ZNF320: variants seen among roughly 807,000 people sequenced by gnomAD.
The protein encoded by ZNF320 is zinc finger protein 320, also known as zinc finger gene 320.
ZNF320 carries 2 observed loss-of-function variants against 6.8 expected under a neutral mutation model. The ratio of observed to expected loss-of-function variants is 0.29; its 90% CI spans 0.12 to 0.93. The LOEUF is 0.93. Ranked by LOEUF, ZNF320 falls within the 40% of genes least tolerant of loss-of-function variation. The probability of loss-of-function intolerance (pLI) is 0.55; values close to 1 mark genes in which losing one functional copy is unlikely to be tolerated. For missense variants in ZNF320, 472 were observed against 611.0 expected, an observed-to-expected ratio of 0.77 and a Z score of 2.40; for synonymous variants, 208 against 203.2, an observed-to-expected ratio of 1.02 and a Z score of -0.20.
intron 1 of ZNF320, chr19:52,895,826 G>GA (rs1568733072): frequency 6.6e-6 from 1 of 151,374 alleles, no homozygotes; most frequent in Non-Finnish European, 1.5e-5. Flanking sequence ...AAGTAAGAAA[G>GA]AAAAAAAGAA....
At chr19:52,876,054 C>T (rs544356196), downstream of ZNF320, 1 of 152,314 alleles carries the variant, frequency 6.6e-6, no homozygotes, top group African/African-American at 2.4e-5. Flanking sequence ...CAGGCCAATC[C>T]TGTCCATCCT....
intron 1 of ZNF320, among the ~76,000 whole-genome samples, chr19:52,897,108 G>C (rs922514053): frequency 6.6e-6 from 1 of 152,234 alleles, no homozygotes; most frequent in Non-Finnish European, 1.5e-5. Context: ...ACGCTGGCTC[G>C]GGCCCACTCC....
At chr19:52,882,866 G>A (rs751229288) in intron 5 of ZNF320, among the ~76,000 whole-genome samples, 3 of 151,594 alleles carry the variant, frequency 2.0e-5, no homozygotes, top group African/African-American at 4.8e-5. Context: ...ACTTGAACTC[G>A]GGAGGCAAAG....
intron 2 of ZNF320, 39 bp from the exon 3 acceptor site, chr19:52,891,385 G>A (rs1307636360): frequency 6.7e-6 from 1 of 148,766 alleles, no homozygotes; most frequent in Non-Finnish European, 1.5e-5. Flanking sequence ...TTTCTGATGT[G>A]ATAGAGATAA....
intron 2 of ZNF320, among the ~76,000 whole-genome samples, chr19:52,891,791 C>G (rs1273953008): frequency 3.9e-5 from 6 of 152,120 alleles, no homozygotes; most frequent in Non-Finnish European, 8.8e-5. Flanking sequence ...CTGTGATATC[C>G]TCAGAGTGGG....
At chr19:52,875,487 A>G (rs114134690), downstream of ZNF320, among the ~76,000 whole-genome samples, 4,355 of 152,206 alleles carry the variant, frequency 0.029, 203 homozygotes, top group African/African-American at 0.097. Context: ...GGTATTTGTG[A>G]TTTTTACATT....
Position 52,880,827 on chromosome 19 carries a change from C to T in ZNF320, c.1299G>A (p.Arg433=). ...IRKSHLERHR[R]IHTGEKPHKC... The stretch of plus-strand genomic sequence containing the variant: ...TGTGAGGTTTCTCTCCTGTATGAAT[C>T]CTCCTATGTCTTTCAAGGTGTGATT... The change falls in exon 6 of 6, where the codon AGG becomes AGA. Residue 433 remains arginine (R), a synonymous_variant. Coordinates refer to ENST00000682928, the MANE Select transcript of ZNF320 (RefSeq NM_001351774.2). The T allele has an allele frequency of 1.2e-6, 2 of 1,613,944 alleles. No homozygotes were observed. Among genetic ancestry groups the T allele is most frequent in the Middle Eastern group, 1.7e-4 (1 of 6,056 alleles).
At chr19:52,896,960 G>T (rs561583236) in intron 1 of ZNF320, among the ~76,000 whole-genome samples, 1 of 152,370 alleles carries the variant, frequency 6.6e-6, no homozygotes, top group East Asian at 1.9e-4. Context: ...GCACCCATCT[G>T]CTCCGGCCTC....
At chr19:52,890,651 C>A (rs1310996426) in intron 3 of ZNF320, among the ~76,000 whole-genome samples, 4 of 151,198 alleles carry the variant, frequency 2.6e-5, no homozygotes, top group Non-Finnish European at 5.9e-5. Flanking sequence ...GTGGGTAGAT[C>A]GCTTGAGCTC....
rs775658665 is a variant in ZNF320, at chr19:52,880,831, C to G, written c.1295G>C (p.Arg432Thr). 6.2e-7 allele frequency: 1 copy of G among 1,613,946 alleles called. No individual in the cohort carries two copies. Among genetic ancestry groups the G allele is most frequent in the Non-Finnish European group, 8.5e-7 (1 of 1,179,854 alleles). ...AGGTTTCTCTCCTGTATGAATCCTC[C>G]TATGTCTTTCAAGGTGTGATTTGCG... ...YIRKSHLERH[R>T]RIHTGEKPHK... is the part of the protein sequence containing the mutation. The change falls in exon 6 of 6, where the codon AGG becomes ACG. Residue 432 changes from arginine (R) to threonine (T), a missense_variant. By Grantham distance (71) the Arg-to-Thr change is moderately conservative (BLOSUM62 -1). Around this residue, in one of 2 missense-constraint regions of ZNF320, gnomAD observed 462 missense variants for 559.7 expected, o/e 0.83. Transcript: ENST00000682928.
intron 4 of ZNF320, 120 bp downstream of exon 4, chr19:52,890,121 G>T: frequency 2.1e-6 from 3 of 1,446,648 alleles, no homozygotes; most frequent in Non-Finnish European, 2.9e-6. Flanking sequence ...GGAAGGCATG[G>T]GTGATTGTGA....
intron 5 of ZNF320, among the ~76,000 whole-genome samples, chr19:52,866,869 C>CAAAAA (rs58231328): frequency 0.011 from 1,141 of 107,744 alleles, 2 homozygotes; most frequent in East Asian, 0.021. Flanking sequence ...ACAAAACATA[C>CAAAAA]AAAAAAAAAA....
intron 5 of ZNF320, among the ~76,000 whole-genome samples, chr19:52,885,279 G>A (rs1277715133): frequency 2.1e-5 from 3 of 145,974 alleles, no homozygotes; most frequent in African/African-American, 7.4e-5. Flanking sequence ...TCCAGTAAAG[G>A]TAAATAAAAA....
At chr19:52,899,178 CAA>C (rs900099495), upstream of ZNF320, among the ~76,000 whole-genome samples, 13 of 152,164 alleles carry the variant, frequency 8.5e-5, no homozygotes, top group African/African-American at 2.7e-4. Flanking sequence ...AGGTAGCAAA[CAA>C]GAGAGCAGTA....
intron 1 of ZNF320, among the ~76,000 whole-genome samples, chr19:52,897,034 A>G (rs1341845238): frequency 6.6e-6 from 1 of 152,252 alleles, no homozygotes; most frequent in African/African-American, 2.4e-5. Flanking sequence ...GATAAGGGGT[A>G]GCCCATAGGG....
rs557891150 is a variant in ZNF320 at position 52,863,314 on chromosome 19, G to A, written c.*715C>T. 1.4e-4 allele frequency among the ~76,000 whole-genome samples: 22 copies of A among 152,306 alleles called. No individual in the cohort carries two copies. In the South Asian group the frequency reaches 4.6e-3, roughly 32 times the overall value. Reference sequence around the variant, plus strand: ...AAATGACAGTAGAACTAAAATATGGGAAGGTCGGGCATGGTGGTTCACACC... The same window carrying A: ...AAATGACAGTAGAACTAAAATATGGAAAGGTCGGGCATGGTGGTTCACACC... On this transcript the variant is annotated 3_prime_UTR_variant, in exon 6 of 6. Transcript: ENST00000673631.
At chr19:52,882,272 G>A (rs192614980) in intron 5 of ZNF320, among the ~76,000 whole-genome samples, 170 of 152,092 alleles carry the variant, frequency 1.1e-3, no homozygotes, top group African/African-American at 3.1e-3. Context: ...TAATCCTAAG[G>A]GGTATCACAC....
downstream of ZNF320, among the ~76,000 whole-genome samples, chr19:52,875,329 A>G (rs59437152): frequency 8.0e-3 from 1,216 of 152,286 alleles, 18 homozygotes; most frequent in African/African-American, 0.028. Flanking sequence ...ACAACTGCAC[A>G]CAGGATTGTA....
At chr19:52,887,971 A>G in intron 5 of ZNF320, among the ~76,000 whole-genome samples, 156 bp downstream of exon 5, 1 of 152,238 alleles carries the variant, frequency 6.6e-6, no homozygotes, top group Non-Finnish European at 1.5e-5. Context: ...CAAAGGGGAC[A>G]GTGAAAGTCC....
Sources: gnomAD v4.1 joint callset for allele counts (sites outside exome capture counted in the v4.1 genomes callset) on GRCh38, gnomAD v4.1.1 for gene constraint, gnomAD v4.1.1 regional missense constraint, MANE v1.5 for transcripts, NCBI Gene and HGNC (gene_info 2026-07-23, HGNC 2026-07-21) for gene names.